GAB2: variants seen among roughly 807,000 people sequenced by gnomAD.
GAB2 encodes GRB2-associated-binding protein 2.
A neutral mutation model predicts 65.5 loss-of-function variants in GAB2; 26 were observed. The ratio of observed to expected loss-of-function variants is 0.40; its 90% CI spans 0.29 to 0.55. The LOEUF (loss-of-function observed/expected upper bound fraction) is 0.55. Among genes scored for constraint, GAB2 ranks in the 20% least tolerant of loss-of-function variants. GAB2 has a pLI of 0.53. For synonymous variants in GAB2, 321 were observed against 329.6 expected, an observed-to-expected ratio of 0.97 and a Z score of 0.28; for missense variants, 884 against 875.8, an observed-to-expected ratio of 1.01 and a Z score of -0.12.
chr11:78,404,046 A>G (rs55851568), intron 1 of GAB2, among the ~76,000 whole-genome samples: 9,592 of 152,178 alleles, frequency 0.063, 981 homozygotes, highest in African/African-American at 0.22. Context: ...GAACAGTATG[A>G]TAGTTCTTCA....
chr11:78,262,249 T>C (rs112050227), intron 2 of GAB2, among the ~76,000 whole-genome samples: 7,368 of 152,226 alleles, frequency 0.048, 530 homozygotes, highest in African/African-American at 0.16. Flanking sequence ...AACATGCACG[T>C]TGGAGTCCGA....
At chr11:78,405,410 T>C (rs1322786855) in intron 1 of GAB2, among the ~76,000 whole-genome samples, 2 of 152,164 alleles carry the variant, frequency 1.3e-5, no homozygotes, top group African/African-American at 4.8e-5. Flanking sequence ...AGCACATGGA[T>C]TTTAATGAGA....
rs546095416 is a variant in GAB2, at chr11:78,233,157, A to T, written c.621-6106T>A. 8.6e-5 allele frequency among the ~76,000 whole-genome samples: 13 copies of T among 150,528 alleles called. No homozygotes were observed. The East Asian group carries it at 2.2e-3, about 25-fold the overall frequency. ...TGGGCTCAAGCCATCCTCCCACCTC[A>T]GTCTTCTGAGTAGCTGGGGCTACAG... On this transcript the variant is annotated intron_variant, in intron 3 of 9. Coordinates refer to ENST00000361507, the MANE Select transcript of GAB2 (RefSeq NM_080491.3).
chr11:78,367,300 G>C (rs1856509854), intron 1 of GAB2, among the ~76,000 whole-genome samples: 1 of 152,210 alleles, frequency 6.6e-6, no homozygotes, highest in Non-Finnish European at 1.5e-5. Flanking sequence ...TGCCTTCGAA[G>C]GGCATATGGT....
intron 1 of GAB2, among the ~76,000 whole-genome samples, chr11:78,319,870 A>T (rs1395484657): frequency 7.5e-6 from 1 of 133,530 alleles, no homozygotes. Context: ...AAAGAAACAG[A>T]CTTTTTTTTT....
At chr11:78,288,398 A>AAT (rs56094348) in intron 1 of GAB2, among the ~76,000 whole-genome samples, 1 of 88,508 alleles carries the variant, frequency 1.1e-5, no homozygotes. Flanking sequence ...AAAAAAAAAA[A>AAT]GAAGAAGAAG....
At chr11:78,382,813 T>C (rs1467223666) in intron 1 of GAB2, among the ~76,000 whole-genome samples, 1 of 152,232 alleles carries the variant, frequency 6.6e-6, no homozygotes, top group Non-Finnish European at 1.5e-5. Flanking sequence ...ATTTATTTTA[T>C]TTGTTACTAA....
chr11:78,269,447 T>C (rs1372072268), intron 2 of GAB2, among the ~76,000 whole-genome samples: 1 of 152,166 alleles, frequency 6.6e-6, no homozygotes, highest in Non-Finnish European at 1.5e-5. Flanking sequence ...AGGACCAAGG[T>C]CATCAGAATG....
chr11:78,391,293 A>C (rs917121727), intron 1 of GAB2, among the ~76,000 whole-genome samples: 3 of 152,118 alleles, frequency 2.0e-5, no homozygotes, highest in Non-Finnish European at 1.5e-5. Context: ...CCTGTCTCTA[A>C]ATTAAAAAAT....
intron 1 of GAB2, among the ~76,000 whole-genome samples, chr11:78,358,443 A>G (rs1445821857): frequency 7.8e-6 from 1 of 129,016 alleles, no homozygotes; most frequent in African/African-American, 3.5e-5. Context: ...TTAAAATATA[A>G]TAATAATAAT....
intron 1 of GAB2, among the ~76,000 whole-genome samples, chr11:78,359,506 T>C (rs763692487): frequency 1.1e-4 from 17 of 152,070 alleles, no homozygotes; most frequent in Non-Finnish European, 7.4e-5. Flanking sequence ...AATAAAGATA[T>C]TTTCAGACAA....
At chr11:78,229,117 C>A (rs2512549) in intron 3 of GAB2, among the ~76,000 whole-genome samples, 1 of 151,884 alleles carries the variant, frequency 6.6e-6, no homozygotes, top group Non-Finnish European at 1.5e-5. Context: ...TATGTAGCTG[C>A]TGACAGTTGG....
intron 3 of GAB2, among the ~76,000 whole-genome samples, chr11:78,236,236 C>T (rs1864976760): frequency 6.6e-6 from 1 of 152,104 alleles, no homozygotes; most frequent in Non-Finnish European, 1.5e-5. Context: ...TTTCATTTTC[C>T]AATTGTTCAC....
In GAB2 at chr11:78,247,668, CT is replaced by C. The variant is rs1434279326; in HGVS notation, c.620+2488del. Among the ~76,000 whole-genome samples the C allele has an allele frequency of 2.6e-5, 4 of 152,168 alleles. No homozygotes were observed. In the East Asian group the frequency reaches 7.7e-4, roughly 29 times the overall value. On this transcript the variant is annotated intron_variant, in intron 3 of 9. Coordinates refer to ENST00000361507, the MANE Select transcript of GAB2 (RefSeq NM_080491.3). Reference sequence around the variant, plus strand: ...GAGTCAGATCTCTTGCAGTTTCTGCCTTTTTTATTGCTCTTCAGGGCCTTAA... The same window carrying C: ...GAGTCAGATCTCTTGCAGTTTCTGCCTTTTTATTGCTCTTCAGGGCCTTAA...
intron 1 of GAB2, among the ~76,000 whole-genome samples, chr11:78,292,174 C>G (rs1326866074): frequency 3.3e-5 from 5 of 152,178 alleles, no homozygotes; most frequent in African/African-American, 1.2e-4. Context: ...CAGTTAGATT[C>G]AGATTAACCA....
At chr11:78,374,203 C>T (rs79506272) in intron 1 of GAB2, among the ~76,000 whole-genome samples, 3,588 of 152,316 alleles carry the variant, frequency 0.024, 140 homozygotes, top group African/African-American at 0.081. Flanking sequence ...CGAAAACACA[C>T]TTCCTCAGTA....
intron 3 of GAB2, among the ~76,000 whole-genome samples, chr11:78,239,931 C>A (rs1003309338): frequency 3.9e-5 from 6 of 152,050 alleles, no homozygotes; most frequent in African/African-American, 1.4e-4. Flanking sequence ...CCTTTCATTC[C>A]TGAGGCTAAG....
At chr11:78,417,341 G>C (rs1424814204) in intron 1 of GAB2, among the ~76,000 whole-genome samples, 1 of 134,010 alleles carries the variant, frequency 7.5e-6, no homozygotes, top group Non-Finnish European at 1.5e-5. Flanking sequence ...GTCTCCAGAA[G>C]CCATCAATAC....
chr11:78,280,826 T>A lies in GAB2; in HGVS notation c.151A>T (p.Asn51Tyr), dbSNP rs1187736291. Residue 51 changes from asparagine (N) to tyrosine (Y), a missense_variant, in exon 2 of 10, where the codon AAC becomes TAC. Asn to Tyr is a moderately radical substitution (Grantham distance 143, BLOSUM62 -2). Coordinates refer to ENST00000361507, the MANE Select transcript of GAB2 (RefSeq NM_080491.3). ...GDPDVLEYYK[N>Y]DHSKKPLRII... ...CGCAGAGGCTTCTTGGAGTGATCGT[T>A]CTTGTAGTATTCCAGAACATCTGGG... The A allele has an allele frequency of 6.2e-7, 1 of 1,614,102 alleles. No homozygotes were observed.
Sources: gnomAD v4.1 joint callset for allele counts (sites outside exome capture counted in the v4.1 genomes callset) on GRCh38, gnomAD v4.1.1 for gene constraint, MANE v1.5 for transcripts, NCBI Gene and HGNC (gene_info 2026-07-23, HGNC 2026-07-21) for gene names.